Variants in MACO1 observed in about 807,000 individuals in gnomAD.
MACO1 encodes the protein macoilin.
MACO1 carries 14 observed loss-of-function variants against 78.7 expected under a neutral mutation model. The ratio of observed to expected loss-of-function variants is 0.18; its 90% CI spans 0.12 to 0.28. The LOEUF (loss-of-function observed/expected upper bound fraction) is 0.28, where lower values mean the gene tolerates loss of function less well. MACO1 is among the 10% of genes least tolerant of loss of function. The pLI, the probability that MACO1 is intolerant of heterozygous loss-of-function variation, is 1.00. For synonymous variants in MACO1, 288 were observed against 291.6 expected, an observed-to-expected ratio of 0.99 and a Z score of 0.12; for missense variants, 501 against 799.0, an observed-to-expected ratio of 0.63 and a Z score of 4.50.
At chr1:25,486,175 G>A (rs945211599) in intron 8 of MACO1, among the ~76,000 whole-genome samples, 2 of 152,064 alleles carry the variant, frequency 1.3e-5, no homozygotes, top group African/African-American at 4.8e-5. Flanking sequence ...CCACTCTTAG[G>A]TATATGTGTT....
Position 25,431,009 on chromosome 1 carries a change from C to A in MACO1, c.-90C>A. 2 of 965,852 alleles carry A rather than the reference C, an allele frequency of 2.1e-6. No homozygotes were observed. The highest frequency in any genetic ancestry group is 1.6e-5 in the South Asian group (1 of 63,710). The allele number at this position is 965,852 out of a possible 1,614,324, so 59.8% of individuals were successfully genotyped here. A position where few individuals can be genotyped will look rare whatever the true frequency, so the allele number is the denominator to read the frequency against. On this transcript the variant is annotated 5_prime_UTR_variant, in exon 1 of 11. Coordinates refer to ENST00000374343, the MANE Select transcript of MACO1 (RefSeq NM_018202.6). Reference sequence around the variant, plus strand: ...GTGTGACCGGCCTCAGGGGTAGAGTCCAGGCCCGACGCGGGGCGGGCCAGC... The same window carrying A: ...GTGTGACCGGCCTCAGGGGTAGAGTACAGGCCCGACGCGGGGCGGGCCAGC...
chr1:25,468,729 A>AT (rs149864443), intron 6 of MACO1, among the ~76,000 whole-genome samples: 2,320 of 152,276 alleles, frequency 0.015, 59 homozygotes, highest in African/African-American at 0.053. Flanking sequence ...ATTGCTCAGG[A>AT]TTTTTTCAGG....
chr1:25,464,975 ATT>A (rs374057922), intron 6 of MACO1, among the ~76,000 whole-genome samples: 10 of 141,194 alleles, frequency 7.1e-5, no homozygotes, highest in African/African-American at 2.1e-4. Context: ...CGCCCAGGCA[ATT>A]TTTTTTTTTT....
At chr1:25,473,966 G>A (rs560131457) in intron 6 of MACO1, among the ~76,000 whole-genome samples, 1 of 152,262 alleles carries the variant, frequency 6.6e-6, no homozygotes, top group South Asian at 2.1e-4. Flanking sequence ...GAATTAGAAA[G>A]GACCATTACT....
At chr1:25,493,473 C>T (rs1346188464) in intron 10 of MACO1, among the ~76,000 whole-genome samples, 1 of 151,840 alleles carries the variant, frequency 6.6e-6, no homozygotes, top group Non-Finnish European at 1.5e-5. Context: ...TGACCTCGAA[C>T]TCCTGGGCTC....
rs754212920 is a variant in MACO1, at chr1:25,485,637, G to A, written c.1338G>A (p.Lys446=). 1 of 1,613,864 alleles carries A rather than the reference G, an allele frequency of 6.2e-7. No individual in the cohort carries two copies. The highest frequency in any genetic ancestry group is 8.5e-7 in the Non-Finnish European group (1 of 1,179,966). ...QNKLHNAVQM[K]QKDKQNISQL... The stretch of plus-strand genomic sequence containing the variant: ...GGTTACATAATGCTGTGCAAATGAA[G>A]CAAAAAGACAAGCAGAATATCAGCC... Residue 446 remains lysine, a synonymous_variant, in exon 8 of 11, where the codon AAG becomes AAA. Transcript: ENST00000374343. This position sits in a 1 kb window ranked among gnomAD's most constrained non-coding sequence, Gnocchi z 4.3.
At chr1:25,456,974 G>T in intron 5 of MACO1, 143 bp downstream of exon 5, 1 of 772,918 alleles carries the variant, frequency 1.3e-6, no homozygotes, top group South Asian at 2.9e-5. Context: ...TGTTTTATTT[G>T]GTCAATGAAA....
At chr1:25,472,318 A>G (rs2043278276) in intron 6 of MACO1, among the ~76,000 whole-genome samples, 1 of 151,982 alleles carries the variant, frequency 6.6e-6, no homozygotes, top group Admixed American at 6.6e-5. Flanking sequence ...GCACCCATCA[A>G]CCCGTCATCT....
chr1:25,466,067 A>C (rs921808825), intron 6 of MACO1, among the ~76,000 whole-genome samples: 2 of 152,238 alleles, frequency 1.3e-5, no homozygotes. Context: ...GTGTGGCAGT[A>C]AACATACAAG....
intron 4 of MACO1, 128 bp from the exon 5 acceptor site, chr1:25,456,525 C>A: frequency 4.3e-6 from 4 of 927,586 alleles, no homozygotes; most frequent in Non-Finnish European, 6.4e-6. Context: ...CTAGTGAATG[C>A]TCTTCTCAAC....
In MACO1 at chr1:25,456,672, A is replaced by G. The variant is rs779526725; in HGVS notation, c.493A>G (p.Thr165Ala). The change falls in exon 5 of 11, where the codon ACT becomes GCT. Residue 165 changes from threonine (T) to alanine (A), a missense_variant. By Grantham distance (58) the Thr-to-Ala change is moderately conservative. This residue lies in a region of MACO1 where 171 missense variants were observed against 292.1 expected (regional missense o/e 0.59). Coordinates refer to ENST00000374343, the MANE Select transcript of MACO1 (RefSeq NM_018202.6). ...AAHCIGYPVV[T>A]LGFGFKSYVS... ...TTCTAGTATTGGGTACCCTGTGGTA[A>G]CTTTGGGGTTTGGCTTCAAAAGTTA... The G allele has an allele frequency of 6.2e-7, 1 of 1,613,656 alleles. No individual in the cohort carries two copies. The highest frequency in any genetic ancestry group is 1.1e-5 in the South Asian group (1 of 90,956).
At chr1:25,462,216 A>G (rs948858631) in intron 6 of MACO1, among the ~76,000 whole-genome samples, 3 of 152,166 alleles carry the variant, frequency 2.0e-5, no homozygotes, top group Admixed American at 6.5e-5. Context: ...TTCTGCAGGC[A>G]TACTTGGGGT....
intron 6 of MACO1, among the ~76,000 whole-genome samples, chr1:25,480,929 A>AATAT (rs202050214): frequency 2.9e-3 from 139 of 47,640 alleles, no homozygotes; most frequent in South Asian, 4.7e-3. Flanking sequence ...AAAAAAAAAA[A>AATAT]ATATATATAT....
At chr1:25,432,591 T>A (rs1051002237) in intron 1 of MACO1, among the ~76,000 whole-genome samples, 1 of 152,220 alleles carries the variant, frequency 6.6e-6, no homozygotes, top group Admixed American at 6.5e-5. Context: ...TTTCTACACA[T>A]AGATGGAGGA....
chr1:25,464,668 C>G (rs74389087), intron 6 of MACO1, among the ~76,000 whole-genome samples: 7,351 of 139,238 alleles, frequency 0.053, 667 homozygotes, highest in African/African-American at 0.18. Context: ...CCACCCCCCC[C>G]CTCCGCGAAA....
At chr1:25,453,992 A>C (rs2043092707) in intron 3 of MACO1, among the ~76,000 whole-genome samples, 1 of 151,990 alleles carries the variant, frequency 6.6e-6, no homozygotes, top group African/African-American at 2.4e-5. Flanking sequence ...GATTTGTAGG[A>C]GCTCTTTGTA....
chr1:25,451,869 A>G (rs2043069393), intron 3 of MACO1, among the ~76,000 whole-genome samples: 1 of 150,954 alleles, frequency 6.6e-6, no homozygotes, highest in South Asian at 2.1e-4. Context: ...TTGCACCTGT[A>G]CTTCACTGCA....
At chr1:25,454,966 C>G (rs1407058930) in intron 4 of MACO1, among the ~76,000 whole-genome samples, 1 of 152,094 alleles carries the variant, frequency 6.6e-6, no homozygotes, top group African/African-American at 2.4e-5. Flanking sequence ...GCTTGTGTTG[C>G]CTTGTCACTG....
chr1:25,437,135 A>G (rs1190108358), intron 1 of MACO1, among the ~76,000 whole-genome samples: 1 of 110,934 alleles, frequency 9.0e-6, no homozygotes, highest in Non-Finnish European at 1.8e-5. Flanking sequence ...TCTTCAAAAC[A>G]CTTTTTTTTT....
Sources: allele counts gnomAD v4.1 joint callset (sites outside exome capture counted in the v4.1 genomes callset), GRCh38; gene constraint gnomAD v4.1.1; regional missense constraint gnomAD v4.1.1; non-coding constraint Gnocchi (gnomAD v3.1); transcripts MANE v1.5; gene names NCBI Gene and HGNC (gene_info 2026-07-23, HGNC 2026-07-21).